The following PCDHGA1 variants were observed in gnomAD, a reference collection of about 807,000 sequenced individuals.
PCDHGA1 encodes the protein protocadherin gamma subfamily A, 1.
In PCDHGA1, 32 loss-of-function variants were observed where a neutral mutation model predicts 58.0. That is an observed-to-expected ratio of 0.55 (90% CI 0.42 to 0.74). The LOEUF is 0.74. Among genes scored for constraint, PCDHGA1 ranks in the 30% least tolerant of loss-of-function variants. The pLI is 0.00. For missense variants in PCDHGA1, 1,205 were observed against 1,182.3 expected (o/e 1.02, Z -0.28); for synonymous variants, 498 against 501.1 (o/e 0.99, Z 0.08).
intron 1 of PCDHGA1, among the ~76,000 whole-genome samples, chr5:141,460,709 A>G (rs2098995845): frequency 6.6e-6 from 1 of 151,794 alleles, no homozygotes; most frequent in Non-Finnish European, 1.5e-5. Flanking sequence ...ATGAGAATAA[A>G]CTATTGTTAT....
intron 1 of PCDHGA1, chr5:141,370,476 G>A: frequency 6.2e-7 from 1 of 1,613,686 alleles, no homozygotes; most frequent in Non-Finnish European, 8.5e-7. Flanking sequence ...GTTAGACCAG[G>A]CTCTCTCCGA....
intron 1 of PCDHGA1, chr5:141,388,025 G>A (rs986664863): frequency 6.9e-7 from 1 of 1,447,232 alleles, no homozygotes. Flanking sequence ...GCTCCGTAGT[G>A]GGGAACCTCG....
intron 1 of PCDHGA1, chr5:141,430,868 G>A (rs1414256124): frequency 6.3e-7 from 1 of 1,597,104 alleles, no homozygotes; most frequent in Admixed American, 1.8e-5. Context: ...TTCAGTTCCG[G>A]AAGAGCTGGA....
intron 1 of PCDHGA1, chr5:141,415,791 C>CTTT: frequency 1.5e-6 from 2 of 1,341,938 alleles, no homozygotes; most frequent in Non-Finnish European, 1.9e-6. Flanking sequence ...GTAAAATTCA[C>CTTT]CTAGTCTCAA....
Position 141,419,438 on chromosome 5 carries a change from A to G in PCDHGA1, c.2422-75369A>G, listed in dbSNP as rs764801455. On this transcript the variant is annotated intron_variant, in intron 1 of 3. Coordinates refer to ENST00000517417, the MANE Select transcript of PCDHGA1 (RefSeq NM_018912.3). ...CGCCTTCGACCACGAGCAGCTGCGC[A>G]CCTTCGAGCTCACGCTGCAGGCCCG... 8 of 1,613,138 alleles carry G rather than the reference A, an allele frequency of 5.0e-6. No homozygotes were observed. The highest frequency in any genetic ancestry group is 4.4e-5 in the South Asian group (4 of 91,044).
At chr5:141,495,841 G>A (rs1187067340) in intron 2 of PCDHGA1, among the ~76,000 whole-genome samples, 1 of 151,864 alleles carries the variant, frequency 6.6e-6, no homozygotes, top group Non-Finnish European at 1.5e-5. Context: ...CAGCCTCTAT[G>A]TTTCTCTGTC....
chr5:141,408,720 A>T, intron 1 of PCDHGA1: 1 of 1,611,332 alleles, frequency 6.2e-7, no homozygotes, highest in Non-Finnish European at 8.5e-7. Context: ...TATAAGATAA[A>T]CTCTAATCCT....
chr5:141,393,458 G>A (rs181214352), intron 1 of PCDHGA1: 5 of 1,614,020 alleles, frequency 3.1e-6, no homozygotes, highest in African/African-American at 2.7e-5. Context: ...TCACGGCCTC[G>A]GATGGCGGCA....
Position 141,485,932 on chromosome 5 carries a change from G to A in PCDHGA1, c.2422-8875G>A. ...CCAGCTACAGGATTAGTGTGTTGGA[G>A]AGCGCACCAGCGGGCATGGTGCTCA... On this transcript the variant is annotated intron_variant, in intron 1 of 3. Transcript: ENST00000517417. The surrounding 1 kb of genome is among the most constrained non-coding windows in gnomAD (Gnocchi z 5.7). The A allele has an allele frequency of 6.2e-7, 1 of 1,614,184 alleles. No homozygotes were observed. The highest frequency in any genetic ancestry group is 8.5e-7 in the Non-Finnish European group (1 of 1,180,042).
intron 1 of PCDHGA1, chr5:141,389,837 AC>A (rs2091936174): frequency 6.2e-7 from 1 of 1,613,842 alleles, no homozygotes. Flanking sequence ...GACAGCCACC[AC>A]TCTCGGCCAC....
chr5:141,478,563 C>A, intron 1 of PCDHGA1: 2 of 1,596,270 alleles, frequency 1.3e-6, no homozygotes, highest in South Asian at 1.1e-5. Context: ...TTTAGCAAGT[C>A]ATGCTTGACC....
chr5:141,386,595 A>ATT lies in PCDHGA1; in HGVS notation c.2421+53501_2421+53502dup, dbSNP rs373179212. On this transcript the variant is annotated intron_variant, in intron 1 of 3. Transcript: ENST00000517417. Reference sequence around the variant, plus strand: ...CTCTGTACAATAGTGTGGGGGATACATTTTTTTTTTTTGACATGGAGTCTC... The same window carrying ATT: ...CTCTGTACAATAGTGTGGGGGATACATTTTTTTTTTTTTTGACATGGAGTCTC... 4.8e-5 allele frequency among the ~76,000 whole-genome samples: 7 copies of ATT among 146,172 alleles called. No individual in the cohort carries two copies. The East Asian group carries it at 9.9e-4, about 21-fold the overall frequency.
At chr5:141,462,360 A>G (rs1400686908) in intron 1 of PCDHGA1, among the ~76,000 whole-genome samples, 1 of 152,238 alleles carries the variant, frequency 6.6e-6, no homozygotes, top group Non-Finnish European at 1.5e-5. Flanking sequence ...TATACATTGT[A>G]TAGTTTCTAT....
chr5:141,331,976 C>T lies in PCDHGA1; in HGVS notation c.1292C>T (p.Ala431Val). 5 of 1,614,128 alleles carry T rather than the reference C, an allele frequency of 3.1e-6. No individual in the cohort carries two copies. Among genetic ancestry groups the T allele is most frequent in the African/African-American group, 1.3e-5 (1 of 75,042 alleles). ...ACAGCAATAGACCAAGGAACTCCAG[C>T]TCTATCTACTGAAACTCACATTTCA... ...TITAIDQGTP[A>V]LSTETHISLL... is the part of the protein sequence containing the mutation. The change falls in exon 1 of 4, where the codon GCT (alanine) becomes GTT (valine). Residue 431 changes from alanine (A) to valine (V), a missense_variant. Ala to Val is a moderately conservative substitution (Grantham distance 64). Transcript: ENST00000517417.
chr5:141,412,942 A>G, intron 1 of PCDHGA1: 1 of 465,476 alleles, frequency 2.1e-6, no homozygotes, highest in Non-Finnish European at 3.8e-6. Flanking sequence ...TAGGACTCTG[A>G]GCGCCGCTGT....
intron 1 of PCDHGA1, chr5:141,478,134 C>A (rs2099431418): frequency 6.2e-7 from 1 of 1,614,074 alleles, no homozygotes; most frequent in African/African-American, 1.3e-5. Flanking sequence ...TCTCCTGAAG[C>A]CCGAGCCGAG....
At position 141,404,150 on chromosome 5, in the gene PCDHGA1, G is replaced by A. The variant is rs1325217999; in HGVS notation, c.2421+71045G>A. ...TTTTACATTAGAAAATTCAGAAGAA[G>A]ATTATTACAGATTGTTGACGGCCCA... is the stretch of plus-strand genomic sequence containing the variant. On this transcript the variant is annotated intron_variant, in intron 1 of 3. Coordinates refer to ENST00000517417, the MANE Select transcript of PCDHGA1 (RefSeq NM_018912.3). 5.0e-6 allele frequency: 8 copies of A among 1,612,830 alleles called. 1 individual carries two copies. In the Middle Eastern group the frequency reaches 6.6e-4, roughly 133 times the overall value.
At position 141,432,325 on chromosome 5, in the gene PCDHGA1, C is replaced by T. The variant is rs752180978; in HGVS notation, c.2422-62482C>T. ...TGTATGCGCTGAGCTCCTTCGACTACGAGCAGTTCCGAGACTTGCAAGTGA... is the reference window on the plus strand; with the variant it reads ...TGTATGCGCTGAGCTCCTTCGACTATGAGCAGTTCCGAGACTTGCAAGTGA... On this transcript the variant is annotated intron_variant, in intron 1 of 3. Coordinates refer to ENST00000517417, the MANE Select transcript of PCDHGA1 (RefSeq NM_018912.3). The surrounding 1 kb of genome is among the most constrained non-coding windows in gnomAD (Gnocchi z 6.0). 68 of 1,614,142 alleles carry T rather than the reference C, an allele frequency of 4.2e-5. No individual in the cohort carries two copies. Among genetic ancestry groups the T allele is most frequent in the Non-Finnish European group, 5.2e-5 (61 of 1,180,050 alleles).
chr5:141,483,442 AATCATCAGGACTTGTTG>A (rs2099581330), intron 1 of PCDHGA1, among the ~76,000 whole-genome samples: 1 of 152,196 alleles, frequency 6.6e-6, no homozygotes, highest in Non-Finnish European at 1.5e-5. Context: ...ACTACAATAA[AATCATCAGGACTTGTTG>A]ATTGACATGA....
Sources: gnomAD v4.1 joint callset for allele counts (sites outside exome capture counted in the v4.1 genomes callset) on GRCh38, gnomAD v4.1.1 for gene constraint, Gnocchi (gnomAD v3.1) non-coding constraint, MANE v1.5 for transcripts, NCBI Gene and HGNC (gene_info 2026-07-23, HGNC 2026-07-21) for gene names.